GDPD4: variants seen among roughly 807,000 people sequenced by gnomAD.
GDPD4 encodes glycerophosphodiester phosphodiesterase 6.
Under a neutral mutation model 67.8 loss-of-function variants are expected in GDPD4, and 60 were observed. That is an observed-to-expected ratio of 0.88 (90% CI 0.72 to 1.10). The LOEUF (loss-of-function observed/expected upper bound fraction) is 1.10. Ranked by LOEUF, GDPD4 falls within the 50% of genes least tolerant of loss-of-function variation. The pLI, the probability that GDPD4 is intolerant of heterozygous loss-of-function variation, is 0.00. For missense variants in GDPD4, 623 were observed against 613.9 expected (o/e 1.01, Z -0.16); for synonymous variants, 212 against 210.9 (o/e 1.00, Z -0.04).
chr11:77,301,157 T>C (rs949207703), intron 1 of GDPD4, among the ~76,000 whole-genome samples: 3 of 152,152 alleles, frequency 2.0e-5, no homozygotes, highest in South Asian at 2.1e-4. Flanking sequence ...TCTACACTCA[T>C]ATATCCGACA....
intron 5 of GDPD4, among the ~76,000 whole-genome samples, chr11:77,274,182 A>G (rs1044671761): frequency 2.0e-5 from 3 of 152,154 alleles, no homozygotes; most frequent in African/African-American, 7.2e-5. Flanking sequence ...TATTTGTTCA[A>G]TTTTCAAATC....
intron 8 of GDPD4, 102 bp from the exon 9 acceptor site, chr11:77,269,171 G>T: frequency 1.0e-6 from 1 of 983,628 alleles, no homozygotes; most frequent in Non-Finnish European, 1.5e-6. Flanking sequence ...CACAGTCCAT[G>T]GGTTTCATTG....
intron 11 of GDPD4, among the ~76,000 whole-genome samples, chr11:77,251,889 CTCATT>C (rs759085884): frequency 9.9e-5 from 15 of 151,904 alleles, no homozygotes; most frequent in Non-Finnish European, 2.2e-4. Flanking sequence ...CTTTTTCATT[CTCATT>C]TCTTTTTTTC....
intron 16 of GDPD4, among the ~76,000 whole-genome samples, chr11:77,222,872 C>T (rs1958254838): frequency 6.6e-6 from 1 of 152,190 alleles, no homozygotes; most frequent in Non-Finnish European, 1.5e-5. Context: ...GTACACCAAT[C>T]AAATGTAGAT....
chr11:77,230,030 C>A (rs1958424946), intron 14 of GDPD4, among the ~76,000 whole-genome samples: 1 of 152,194 alleles, frequency 6.6e-6, no homozygotes, highest in Admixed American at 6.6e-5. Context: ...ATTAATAACA[C>A]TAATGATCAT....
chr11:77,238,762 A>G (rs1958610593), intron 13 of GDPD4, among the ~76,000 whole-genome samples: 1 of 152,160 alleles, frequency 6.6e-6, no homozygotes, highest in African/African-American at 2.4e-5. Context: ...TCCACCAAAC[A>G]CTTAAAGAAG....
intron 1 of GDPD4, among the ~76,000 whole-genome samples, chr11:77,295,399 A>C (rs1453479866): frequency 6.6e-6 from 1 of 152,086 alleles, no homozygotes; most frequent in African/African-American, 2.4e-5. Flanking sequence ...TGGGAGGCTG[A>C]GGCTAGAGGA....
intron 16 of GDPD4, among the ~76,000 whole-genome samples, chr11:77,217,549 G>C (rs1199385854): frequency 6.6e-6 from 1 of 152,216 alleles, no homozygotes; most frequent in East Asian, 1.9e-4. Context: ...GCTCACCATG[G>C]AAGTCCTCAG....
intron 16 of GDPD4, among the ~76,000 whole-genome samples, chr11:77,226,293 A>G (rs1958336483): frequency 6.6e-6 from 1 of 152,124 alleles, no homozygotes; most frequent in Non-Finnish European, 1.5e-5. Flanking sequence ...TTCATATGTC[A>G]GAGTCCTAAC....
intron 10 of GDPD4, among the ~76,000 whole-genome samples, chr11:77,263,538 A>T (rs1327608323): frequency 6.6e-6 from 1 of 152,202 alleles, no homozygotes; most frequent in Non-Finnish European, 1.5e-5. Flanking sequence ...AGAAAACAAC[A>T]AAATGATAGT....
chr11:77,267,322 G>A (rs143029649), intron 10 of GDPD4, among the ~76,000 whole-genome samples: 4 of 152,210 alleles, frequency 2.6e-5, no homozygotes, highest in Admixed American at 2.0e-4. Context: ...GCCTAACAAC[G>A]CATTTCTCAG....
chr11:77,246,195 A>C (rs1331321013), intron 11 of GDPD4, among the ~76,000 whole-genome samples: 1 of 152,212 alleles, frequency 6.6e-6, no homozygotes, highest in Admixed American at 6.5e-5. Flanking sequence ...CTAAGGCAGA[A>C]GGATTACTTG....
intron 11 of GDPD4, among the ~76,000 whole-genome samples, chr11:77,249,293 C>G (rs566178757): frequency 6.7e-6 from 1 of 149,734 alleles, no homozygotes; most frequent in East Asian, 2.0e-4. Flanking sequence ...AATTAGCAAG[C>G]TACTTTGCAA....
At chr11:77,301,572 G>A (rs1250092181) in intron 1 of GDPD4, 33 bp downstream of exon 1, 2 of 152,190 alleles carry the variant, frequency 1.3e-5, no homozygotes, top group African/African-American at 4.8e-5. Flanking sequence ...TGCTGCTTAG[G>A]GAGGAAGCAC....
At chr11:77,252,065 G>GT (rs71043561) in intron 11 of GDPD4, among the ~76,000 whole-genome samples, 28,163 of 127,024 alleles carry the variant, frequency 0.22, 3,454 homozygotes, top group East Asian at 0.34. Flanking sequence ...TTTTTTTTTT[G>GT]TTTTTTTTTT....
Position 77,266,317 on chromosome 11 carries a change from G to A in GDPD4, c.707+2140C>T, listed in dbSNP as rs115234954. Among the ~76,000 whole-genome samples the A allele has an allele frequency of 8.2e-3, 1,245 of 152,108 alleles. 24 individuals carry two copies. The highest frequency in any genetic ancestry group is 0.027 in the African/African-American group (1,134 of 41,470). On this transcript the variant is annotated intron_variant, in intron 10 of 16. Coordinates refer to ENST00000315938, the MANE Select transcript of GDPD4 (RefSeq NM_182833.3). The stretch of plus-strand genomic sequence containing the variant: ...AAATTTCCTATCACCTAGTGACTTC[G>A]TAGCCGTAATATTGTAGCACAATAC...
intron 5 of GDPD4, among the ~76,000 whole-genome samples, chr11:77,273,774 G>A (rs1959324851): frequency 6.6e-6 from 1 of 152,110 alleles, no homozygotes; most frequent in Admixed American, 6.5e-5. Context: ...TAATATAGAA[G>A]AAATAATAAA....
intron 1 of GDPD4, among the ~76,000 whole-genome samples, chr11:77,297,132 GCAATTCA>G (rs1937999748): frequency 1.3e-5 from 2 of 151,784 alleles, no homozygotes; most frequent in African/African-American, 4.8e-5. Context: ...TATGGTGTCT[GCAATTCA>G]CTTTCAAATA....
At chr11:77,257,243 A>T (rs545095615) in intron 11 of GDPD4, among the ~76,000 whole-genome samples, 1 of 152,320 alleles carries the variant, frequency 6.6e-6, no homozygotes, top group South Asian at 2.1e-4. Context: ...GTCTCAAATG[A>T]GTATAGCTGA....
Sources: allele counts gnomAD v4.1 joint callset (sites outside exome capture counted in the v4.1 genomes callset), GRCh38; gene constraint gnomAD v4.1.1; transcripts MANE v1.5; gene names NCBI Gene and HGNC (gene_info 2026-07-23, HGNC 2026-07-21).